Variants in SPOCK1 observed in about 807,000 individuals in gnomAD.
SPOCK1 encodes SPARC (osteonectin), cwcv and kazal like domains proteoglycan 1.
A neutral mutation model predicts 55.3 loss-of-function variants in SPOCK1; 23 were observed. The observed-to-expected ratio is 0.42, with a 90% CI of 0.30 to 0.59. The LOEUF is 0.59. Among genes scored for constraint, SPOCK1 ranks in the 20% least tolerant of loss-of-function variants. The pLI is 0.22. For synonymous variants in SPOCK1, 226 were observed against 221.0 expected, an observed-to-expected ratio of 1.02 and a Z score of -0.20; for missense variants, 499 against 552.5, an observed-to-expected ratio of 0.90 and a Z score of 0.97.
chr5:137,129,484 G>A lies in SPOCK1; in HGVS notation c.347+11096C>T, dbSNP rs946219207. Among the ~76,000 whole-genome samples, 4 of 152,320 alleles carry A rather than the reference G, an allele frequency of 2.6e-5. No homozygotes were observed. In the East Asian group the frequency reaches 7.7e-4, roughly 29 times the overall value. ...AAATCAGCCTCCCTGAGAATTCAGA[G>A]GCTAGGGATTTTATGGATAATTGGG... On this transcript the variant is annotated intron_variant, in intron 4 of 10. Transcript: ENST00000394945.
At chr5:137,475,334 C>T (rs1011605859) in intron 2 of SPOCK1, among the ~76,000 whole-genome samples, 1 of 152,042 alleles carries the variant, frequency 6.6e-6, no homozygotes, top group Non-Finnish European at 1.5e-5. Flanking sequence ...CTTTTCTAGA[C>T]CAAATGTGAC....
At chr5:137,143,377 C>A (rs1414999409) in intron 3 of SPOCK1, among the ~76,000 whole-genome samples, 1 of 152,290 alleles carries the variant, frequency 6.6e-6, no homozygotes, top group East Asian at 1.9e-4. Context: ...ACGGACAGTG[C>A]AATCACAAGG....
At chr5:136,986,178 T>G (rs562060497) in intron 8 of SPOCK1, among the ~76,000 whole-genome samples, 31 of 152,154 alleles carry the variant, frequency 2.0e-4, no homozygotes, top group Non-Finnish European at 5.9e-5. Flanking sequence ...GAAACAAATT[T>G]CATCTGGATT....
At chr5:137,171,475 C>T (rs1396647959) in intron 3 of SPOCK1, among the ~76,000 whole-genome samples, 4 of 152,150 alleles carry the variant, frequency 2.6e-5, no homozygotes, top group Admixed American at 6.6e-5. Context: ...GGGCCAGCCA[C>T]GCTACCAATG....
intron 3 of SPOCK1, among the ~76,000 whole-genome samples, chr5:137,158,749 T>C (rs559454764): frequency 6.6e-6 from 1 of 151,556 alleles, no homozygotes; most frequent in Non-Finnish European, 1.5e-5. Context: ...GGGGGCACCA[T>C]AACAAGGGAG....
intron 3 of SPOCK1, among the ~76,000 whole-genome samples, chr5:137,160,255 C>A (rs1754499823): frequency 6.7e-6 from 1 of 148,368 alleles, no homozygotes; most frequent in Non-Finnish European, 1.5e-5. Flanking sequence ...TAACAGTCTC[C>A]AATCTCATCC....
At chr5:137,410,647 T>A (rs1203724097) in intron 2 of SPOCK1, among the ~76,000 whole-genome samples, 1 of 152,248 alleles carries the variant, frequency 6.6e-6, no homozygotes, top group Admixed American at 6.5e-5. Context: ...CCCACGCCAC[T>A]GGACAGCTCT....
intron 6 of SPOCK1, among the ~76,000 whole-genome samples, chr5:137,008,329 C>CACACAA (rs751309050): frequency 4.6e-5 from 7 of 150,688 alleles, no homozygotes; most frequent in Non-Finnish European, 8.9e-5. Context: ...CACACACACA[C>CACACAA]AATCAACACA....
At chr5:137,098,760 T>C (rs1356112155) in intron 5 of SPOCK1, among the ~76,000 whole-genome samples, 1 of 152,214 alleles carries the variant, frequency 6.6e-6, no homozygotes, top group East Asian at 1.9e-4. Flanking sequence ...CCCAGATACT[T>C]AGAGACTTTG....
intron 4 of SPOCK1, among the ~76,000 whole-genome samples, chr5:137,133,869 G>T (rs142968246): frequency 6.6e-4 from 99 of 151,144 alleles, no homozygotes; most frequent in African/African-American, 2.0e-3. Context: ...GCATGGACTA[G>T]TTGCTTTGCG....
intron 2 of SPOCK1, among the ~76,000 whole-genome samples, chr5:137,496,797 C>T (rs1754308039): frequency 6.6e-6 from 1 of 152,134 alleles, no homozygotes; most frequent in Admixed American, 6.5e-5. Flanking sequence ...AGGAATCTCA[C>T]TGGGGTAGGG....
chr5:137,140,975 G>A (rs1023277932), intron 3 of SPOCK1, among the ~76,000 whole-genome samples: 3 of 151,920 alleles, frequency 2.0e-5, no homozygotes, highest in African/African-American at 7.3e-5. Context: ...GGCCAGGCTG[G>A]TCTCAAACTC....
intron 3 of SPOCK1, among the ~76,000 whole-genome samples, chr5:137,247,919 C>A (rs1216109000): frequency 2.0e-5 from 3 of 152,274 alleles, no homozygotes; most frequent in Non-Finnish European, 4.4e-5. Flanking sequence ...ATCTGCCCCC[C>A]AAAAACCCAA....
intron 4 of SPOCK1, among the ~76,000 whole-genome samples, chr5:137,121,803 C>T: frequency 7.0e-6 from 1 of 143,754 alleles, no homozygotes; most frequent in African/African-American, 2.5e-5. Context: ...CCTTATTATC[C>T]CTATTAGTAG....
intron 7 of SPOCK1, among the ~76,000 whole-genome samples, chr5:136,989,043 A>G (rs1326124507): frequency 6.6e-6 from 1 of 152,242 alleles, no homozygotes; most frequent in African/African-American, 2.4e-5. Flanking sequence ...AAACCAAAAT[A>G]AAATATTTTT....
intron 3 of SPOCK1, among the ~76,000 whole-genome samples, chr5:137,265,241 A>G (rs1756826830): frequency 6.6e-6 from 1 of 152,248 alleles, no homozygotes; most frequent in Non-Finnish European, 1.5e-5. Context: ...TTCCTTCTCC[A>G]ATATGCATTA....
At chr5:137,103,034 A>C (rs1211335615) in intron 5 of SPOCK1, among the ~76,000 whole-genome samples, 1 of 152,064 alleles carries the variant, frequency 6.6e-6, no homozygotes, top group Non-Finnish European at 1.5e-5. Context: ...TCTGTTGCCC[A>C]GGCTAGAGTG....
chr5:137,403,297 T>A (rs954922822), intron 2 of SPOCK1, among the ~76,000 whole-genome samples: 1 of 151,936 alleles, frequency 6.6e-6, no homozygotes, highest in East Asian at 1.9e-4. Flanking sequence ...AAAGACAACC[T>A]CCAATTCCCA....
intron 2 of SPOCK1, among the ~76,000 whole-genome samples, chr5:137,424,435 C>T (rs981619809): frequency 6.6e-6 from 1 of 152,178 alleles, no homozygotes; most frequent in African/African-American, 2.4e-5. Flanking sequence ...TTTCTGAACA[C>T]TCTATTTTGT....
Sources: allele counts gnomAD v4.1 joint callset (sites outside exome capture counted in the v4.1 genomes callset), GRCh38; gene constraint gnomAD v4.1.1; transcripts MANE v1.5; gene names NCBI Gene and HGNC (gene_info 2026-07-23, HGNC 2026-07-21).